The following AGMO variants were observed in gnomAD, a reference collection of about 807,000 sequenced individuals.
The protein encoded by AGMO is alkylglycerol monooxygenase, also known as glyceryl-ether monooxygenase.
A neutral mutation model predicts 60.2 loss-of-function variants in AGMO; 75 were observed. The ratio of observed to expected loss-of-function variants is 1.25; its 90% CI spans 1.03 to 1.51. The LOEUF (loss-of-function observed/expected upper bound fraction) is 1.51. AGMO is among the 40% of genes most tolerant of loss of function. The pLI is 0.00. For missense variants in AGMO, 763 were observed against 525.5 expected, an observed-to-expected ratio of 1.45 and a Z score of -4.42; for synonymous variants, 261 against 177.1, an observed-to-expected ratio of 1.47 and a Z score of -3.76.
chr7:15,460,636 C>G (rs1299640518), intron 3 of AGMO, among the ~76,000 whole-genome samples: 1 of 151,536 alleles, frequency 6.6e-6, no homozygotes, highest in Non-Finnish European at 1.5e-5. Flanking sequence ...AAATATTGAC[C>G]TAGGTTTTAT....
At chr7:15,467,310 G>C (rs1439702055) in intron 3 of AGMO, among the ~76,000 whole-genome samples, 1 of 152,158 alleles carries the variant, frequency 6.6e-6, no homozygotes. Context: ...AGGCCTAAGA[G>C]CAAGGGGTTT....
intron 12 of AGMO, among the ~76,000 whole-genome samples, chr7:15,231,334 CTCTGCTTCTATACT>C: frequency 6.6e-6 from 1 of 152,250 alleles, no homozygotes; most frequent in East Asian, 1.9e-4. Context: ...GTTTGATGGA[CTCTGCTTCTATACT>C]TATCTCTCAC....
At chr7:15,327,895 G>T (rs1337562171) in intron 12 of AGMO, among the ~76,000 whole-genome samples, 3 of 151,294 alleles carry the variant, frequency 2.0e-5, no homozygotes, top group Non-Finnish European at 2.9e-5. Flanking sequence ...CTCCTGGGTA[G>T]CTGGGGACTA....
At chr7:15,424,448 A>G (rs1397936828) in intron 4 of AGMO, among the ~76,000 whole-genome samples, 1 of 152,196 alleles carries the variant, frequency 6.6e-6, no homozygotes, top group East Asian at 1.9e-4. Flanking sequence ...AGAGAACTCA[A>G]TTTGCTTCCT....
At position 15,368,630 on chromosome 7, in the gene AGMO, A is replaced by G. The variant is rs368426272; in HGVS notation, c.1075-2408T>C. 2.0e-4 allele frequency among the ~76,000 whole-genome samples: 31 copies of G among 152,228 alleles called. 1 individual carries two copies. The South Asian group carries it at 6.0e-3, about 29-fold the overall frequency. On this transcript the variant is annotated intron_variant, in intron 10 of 12. Coordinates refer to ENST00000342526, the MANE Select transcript of AGMO (RefSeq NM_001004320.2). ...TTAAAAGAGTGTTTGGCACAGAGTAAAAAAGTCAATTGATGGTCATGGTTA... is the reference window on the plus strand; with the variant it reads ...TTAAAAGAGTGTTTGGCACAGAGTAGAAAAGTCAATTGATGGTCATGGTTA...
intron 3 of AGMO, among the ~76,000 whole-genome samples, chr7:15,461,754 G>C (rs1470236098): frequency 1.3e-5 from 2 of 152,046 alleles, no homozygotes; most frequent in South Asian, 2.1e-4. Context: ...AAAAAGCAGA[G>C]TCTTTGGGGG....
At chr7:15,341,818 C>G (rs892552178) in intron 12 of AGMO, among the ~76,000 whole-genome samples, 1 of 152,088 alleles carries the variant, frequency 6.6e-6, no homozygotes, top group African/African-American at 2.4e-5. Context: ...GCATGTCTTT[C>G]AAGGCAGCTA....
intron 3 of AGMO, among the ~76,000 whole-genome samples, chr7:15,459,884 G>A (rs1782099497): frequency 6.6e-6 from 1 of 151,854 alleles, no homozygotes; most frequent in Non-Finnish European, 1.5e-5. Flanking sequence ...CAGATACCAT[G>A]TTTTATAAGA....
At chr7:15,303,477 G>A (rs917761426) in intron 12 of AGMO, among the ~76,000 whole-genome samples, 1 of 151,844 alleles carries the variant, frequency 6.6e-6, no homozygotes, top group Non-Finnish European at 1.5e-5. Context: ...CATCTGGGGT[G>A]GTTTCTTTTC....
chr7:15,529,002 T>C (rs1351795915), intron 3 of AGMO, among the ~76,000 whole-genome samples: 1 of 151,902 alleles, frequency 6.6e-6, no homozygotes, highest in Non-Finnish European at 1.5e-5. Context: ...CATAAGAAAG[T>C]GGGGTTATGG....
At chr7:15,182,062 A>T in the AGMO span, among the ~76,000 whole-genome samples, 1 of 152,190 alleles carries the variant, frequency 6.6e-6, no homozygotes, top group Non-Finnish European at 1.5e-5. Flanking sequence ...ACATCAGTAA[A>T]TCTTAAAAAA....
chr7:15,259,070 T>C (rs1391455668), intron 12 of AGMO, among the ~76,000 whole-genome samples: 2 of 151,914 alleles, frequency 1.3e-5, no homozygotes, highest in Non-Finnish European at 2.9e-5. Flanking sequence ...AACCTCTGAA[T>C]TGCCAGAAAA....
intron 3 of AGMO, among the ~76,000 whole-genome samples, chr7:15,451,004 CTG>C (rs1332013897): frequency 3.9e-5 from 6 of 151,936 alleles, no homozygotes; most frequent in Non-Finnish European, 7.4e-5. Flanking sequence ...TGTTTTATAT[CTG>C]TGAATAATGA....
chr7:15,327,684 C>A (rs1473317581), intron 12 of AGMO, among the ~76,000 whole-genome samples: 1 of 151,020 alleles, frequency 6.6e-6, no homozygotes, highest in Non-Finnish European at 1.5e-5. Context: ...TGTAATTAAG[C>A]CCTGAGGGGG....
At chr7:15,334,786 CAT>C (rs1288088695) in intron 12 of AGMO, among the ~76,000 whole-genome samples, 1 of 152,176 alleles carries the variant, frequency 6.6e-6, no homozygotes, top group East Asian at 1.9e-4. Context: ...AGTGTTACAT[CAT>C]TAAAGCTGAA....
At chr7:15,388,941 T>G (rs1394237270) in intron 8 of AGMO, among the ~76,000 whole-genome samples, 1 of 152,224 alleles carries the variant, frequency 6.6e-6, no homozygotes, top group Non-Finnish European at 1.5e-5. Context: ...CCTAGAGAAT[T>G]GAACCTAACA....
At chr7:15,274,583 C>T (rs1783722731) in intron 12 of AGMO, among the ~76,000 whole-genome samples, 1 of 151,416 alleles carries the variant, frequency 6.6e-6, no homozygotes, top group Non-Finnish European at 1.5e-5. Flanking sequence ...GATCATACTG[C>T]TTTTATAAAA....
At chr7:15,380,205 G>A (rs1783619771) in intron 10 of AGMO, among the ~76,000 whole-genome samples, 2 of 152,006 alleles carry the variant, frequency 1.3e-5, no homozygotes, top group Non-Finnish European at 2.9e-5. Context: ...ACAATAAGAA[G>A]AGAGGAGATC....
chr7:15,387,780 G>T (rs958157171), intron 8 of AGMO, among the ~76,000 whole-genome samples: 2 of 152,032 alleles, frequency 1.3e-5, no homozygotes, highest in Non-Finnish European at 2.9e-5. Context: ...ATTTTGAAAT[G>T]TAAAAACAGG....
Sources: gnomAD v4.1 joint callset for allele counts (sites outside exome capture counted in the v4.1 genomes callset) on GRCh38, gnomAD v4.1.1 for gene constraint, MANE v1.5 for transcripts, NCBI Gene and HGNC (gene_info 2026-07-23, HGNC 2026-07-21) for gene names.